Variants in GPHN observed in about 807,000 individuals in gnomAD.
The protein encoded by GPHN is gephyrin.
In GPHN, 17 loss-of-function variants were observed where a neutral mutation model predicts 95.5. The ratio of observed to expected loss-of-function variants is 0.18; its 90% CI spans 0.12 to 0.27. GPHN has a LOEUF of 0.27. Among genes scored for constraint, GPHN ranks in the 10% least tolerant of loss-of-function variants. GPHN has a pLI of 1.00. For synonymous variants in GPHN, 320 were observed against 322.5 expected, an observed-to-expected ratio of 0.99 and a Z score of 0.08; for missense variants, 660 against 978.1, an observed-to-expected ratio of 0.67 and a Z score of 4.34.
At chr14:67,028,817 GACTCT>G (rs2074048262) in intron 10 of GPHN, among the ~76,000 whole-genome samples, 1 of 152,122 alleles carries the variant, frequency 6.6e-6, no homozygotes, top group Non-Finnish European at 1.5e-5. Flanking sequence ...GTTGCAGGTT[GACTCT>G]ACTCTGTTGA....
At chr14:66,766,820 T>C (rs2058976523) in intron 2 of GPHN, among the ~76,000 whole-genome samples, 1 of 152,132 alleles carries the variant, frequency 6.6e-6, no homozygotes, top group Non-Finnish European at 1.5e-5. Flanking sequence ...TATACTGTAG[T>C]CAAGCTGCTG....
At chr14:67,388,482 C>T in the GPHN span, among the ~76,000 whole-genome samples, 1 of 152,176 alleles carries the variant, frequency 6.6e-6, no homozygotes, top group East Asian at 1.9e-4. Flanking sequence ...GCTTGGGCCT[C>T]TTCATTTCAC....
chr14:66,605,407 T>C (rs1002932166), intron 1 of GPHN, among the ~76,000 whole-genome samples: 1 of 152,148 alleles, frequency 6.6e-6, no homozygotes, highest in Non-Finnish European at 1.5e-5. Context: ...TGGTGTAAGA[T>C]GGTATATTGT....
At chr14:66,541,344 A>G (rs1008356229) in intron 1 of GPHN, among the ~76,000 whole-genome samples, 1 of 152,162 alleles carries the variant, frequency 6.6e-6, no homozygotes, top group African/African-American at 2.4e-5. Context: ...ATGGAATTCT[A>G]AGATTTTGTA....
At chr14:67,477,638 C>T in the GPHN span, among the ~76,000 whole-genome samples, 442 of 152,220 alleles carry the variant, frequency 2.9e-3, 1 homozygote, top group African/African-American at 7.5e-3. Flanking sequence ...CTAAATCAAA[C>T]CCATGGGCAG....
the GPHN span, among the ~76,000 whole-genome samples, chr14:67,191,955 G>T: frequency 1.3e-5 from 2 of 152,244 alleles, no homozygotes; most frequent in African/African-American, 4.8e-5. Context: ...TCACCATTCA[G>T]TTGGAACTTG....
chr14:66,884,796 GTGTGTGTGTGTA>G (rs1264479784), intron 5 of GPHN, among the ~76,000 whole-genome samples: 4 of 145,090 alleles, frequency 2.8e-5, no homozygotes, highest in South Asian at 2.1e-4. Context: ...ACACATATGT[GTGTGTGTGTGTA>G]TGTGTGTGTG....
intron 10 of GPHN, among the ~76,000 whole-genome samples, chr14:67,030,398 A>G (rs1035416977): frequency 1.3e-5 from 2 of 152,290 alleles, no homozygotes; most frequent in South Asian, 4.1e-4. Context: ...CTTTAATAAC[A>G]TTAACCCTTA....
the GPHN span, among the ~76,000 whole-genome samples, chr14:67,600,504 C>T: frequency 6.6e-6 from 1 of 152,170 alleles, no homozygotes; most frequent in Admixed American, 6.5e-5. Context: ...GAGGCCAAGG[C>T]GGGAGGATCG....
intron 8 of GPHN, among the ~76,000 whole-genome samples, chr14:66,951,814 G>A (rs572168289): frequency 6.6e-6 from 1 of 152,150 alleles, no homozygotes; most frequent in South Asian, 2.1e-4. Flanking sequence ...TTATAGAGAA[G>A]TTATTTTTTC....
chr14:67,349,915 A>G, the GPHN span, among the ~76,000 whole-genome samples: 11 of 152,216 alleles, frequency 7.2e-5, no homozygotes, highest in Non-Finnish European at 1.5e-4. Flanking sequence ...GATAATAGGC[A>G]TCATGTCATT....
chr14:67,181,173 A>G lies in GPHN; in HGVS notation c.*236A>G. On this transcript the variant is annotated 3_prime_UTR_variant, in exon 23 of 23. Coordinates refer to ENST00000478722, the MANE Select transcript of GPHN (RefSeq NM_020806.5). Reference sequence around the variant, plus strand: ...TCAAGGCAAATTTTTCCTTTCTTGCAAATTGCTTTGTGTGTTCAATGCTAG... The same window carrying G: ...TCAAGGCAAATTTTTCCTTTCTTGCGAATTGCTTTGTGTGTTCAATGCTAG... The G allele has an allele frequency of 1.8e-6, 1 of 560,698 alleles. No homozygotes were observed. Among genetic ancestry groups the G allele is most frequent in the East Asian group, 3.1e-5 (1 of 32,768 alleles). 34.7% of individuals were successfully genotyped at this position (560,698 alleles called of 1,614,324 possible). A position where few individuals can be genotyped will look rare whatever the true frequency, so the allele number is the denominator to read the frequency against.
the GPHN span, among the ~76,000 whole-genome samples, chr14:67,457,056 G>C: frequency 3.9e-5 from 6 of 152,162 alleles, no homozygotes; most frequent in African/African-American, 1.4e-4. Flanking sequence ...ATCTTCTCGT[G>C]TATAAGTGGG....
the GPHN span, among the ~76,000 whole-genome samples, chr14:67,652,771 C>T: frequency 6.6e-6 from 1 of 152,134 alleles, no homozygotes; most frequent in Admixed American, 6.5e-5. Flanking sequence ...GTGAAAACTA[C>T]TTTCTAATCA....
At chr14:67,245,273 A>G in the GPHN span, among the ~76,000 whole-genome samples, 4 of 152,200 alleles carry the variant, frequency 2.6e-5, no homozygotes, top group African/African-American at 7.2e-5. Context: ...TTCCACCAGC[A>G]ATATATGAGA....
At chr14:66,762,653 G>GAA (rs2058802581) in intron 2 of GPHN, among the ~76,000 whole-genome samples, 1 of 151,720 alleles carries the variant, frequency 6.6e-6, no homozygotes, top group South Asian at 2.1e-4. Context: ...TAACTTTTCT[G>GAA]AACCTCAGGT....
chr14:67,519,804 C>G, the GPHN span, among the ~76,000 whole-genome samples: 3 of 151,848 alleles, frequency 2.0e-5, no homozygotes, highest in Admixed American at 2.0e-4. Flanking sequence ...CTTACTGCAG[C>G]CTTGAACTCC....
intron 9 of GPHN, among the ~76,000 whole-genome samples, chr14:66,987,771 G>C (rs1010717272): frequency 3.3e-5 from 5 of 152,044 alleles, no homozygotes; most frequent in African/African-American, 9.7e-5. Context: ...TCACGGGTTT[G>C]TTGAGCATGC....
chr14:67,674,505 G>A, the GPHN span: 1 of 1,583,598 alleles, frequency 6.3e-7, no homozygotes, highest in Non-Finnish European at 8.6e-7. Flanking sequence ...AGGCCGCGCT[G>A]GAGCAGCGGC....
Sources: gnomAD v4.1 joint callset for allele counts (sites outside exome capture counted in the v4.1 genomes callset) on GRCh38, gnomAD v4.1.1 for gene constraint, MANE v1.5 for transcripts, NCBI Gene and HGNC (gene_info 2026-07-23, HGNC 2026-07-21) for gene names.